The following GPHN variants were observed in gnomAD, a reference collection of about 807,000 sequenced individuals.
The protein encoded by GPHN is gephyrin.
In GPHN, 17 loss-of-function variants were observed where a neutral mutation model predicts 95.5. The ratio of observed to expected loss-of-function variants is 0.18; its 90% CI spans 0.12 to 0.27. The LOEUF (loss-of-function observed/expected upper bound fraction) is 0.27, where lower values mean the gene tolerates loss of function less well. GPHN is among the 10% of genes least tolerant of loss of function. The pLI is 1.00. For synonymous variants in GPHN, 320 were observed against 322.5 expected, an observed-to-expected ratio of 0.99 and a Z score of 0.08; for missense variants, 660 against 978.1, an observed-to-expected ratio of 0.67 and a Z score of 4.34.
the GPHN span, chr14:67,515,444 C>T: frequency 1.7e-5 from 3 of 181,010 alleles, no homozygotes; most frequent in South Asian, 1.3e-4. Context: ...GCGGCACTCA[C>T]CCATAGTACG....
chr14:67,056,336 A>G (rs1314274623), intron 10 of GPHN, among the ~76,000 whole-genome samples: 2 of 152,070 alleles, frequency 1.3e-5, no homozygotes, highest in Non-Finnish European at 2.9e-5. Context: ...AGCTAGACAC[A>G]GAGCACTGAT....
chr14:66,528,789 G>A (rs1420604752), intron 1 of GPHN, among the ~76,000 whole-genome samples: 1 of 152,088 alleles, frequency 6.6e-6, no homozygotes, highest in Non-Finnish European at 1.5e-5. Flanking sequence ...TAGACTATTG[G>A]CCCCCACTGT....
chr14:67,424,790 C>T, the GPHN span, among the ~76,000 whole-genome samples: 1 of 151,960 alleles, frequency 6.6e-6, no homozygotes, highest in South Asian at 2.1e-4. Flanking sequence ...GCCCCCAGAG[C>T]CCCTTCAGAT....
At chr14:67,333,568 A>T in the GPHN span, 1 of 152,680 alleles carries the variant, frequency 6.5e-6, no homozygotes, top group Admixed American at 6.5e-5. Flanking sequence ...AACAAAAAAC[A>T]TTCCATTAGA....
the GPHN span, among the ~76,000 whole-genome samples, chr14:67,695,234 T>A: frequency 1.3e-5 from 2 of 152,156 alleles, no homozygotes; most frequent in Admixed American, 1.3e-4. Flanking sequence ...GTGGAATCGC[T>A]CCTTTGTACC....
the GPHN span, chr14:67,224,890 C>T: frequency 2.1e-5 from 8 of 385,474 alleles, no homozygotes; most frequent in Admixed American, 4.6e-5. Flanking sequence ...AAGGAGGGAG[C>T]CCTCTAAAAG....
the GPHN span, among the ~76,000 whole-genome samples, chr14:67,306,977 CAG>C: frequency 9.9e-5 from 15 of 152,262 alleles, no homozygotes; most frequent in African/African-American, 3.4e-4. Flanking sequence ...GTGTTTAAGA[CAG>C]ATATACAAAA....
chr14:67,585,774 C>A, the GPHN span: 1 of 986,876 alleles, frequency 1.0e-6, no homozygotes, highest in Non-Finnish European at 1.5e-6. Flanking sequence ...CCCACTCCTG[C>A]CCAAGCACCA....
At chr14:67,180,726 A>G (rs1595521147) in intron 22 of GPHN, 78 bp from the exon 23 acceptor site, 1 of 1,412,762 alleles carries the variant, frequency 7.1e-7, no homozygotes. Context: ...GTCTGTTTAC[A>G]TTTTGAAAAG....
chr14:67,575,292 A>G, the GPHN span: 2 of 696,046 alleles, frequency 2.9e-6, no homozygotes, highest in Non-Finnish European at 4.9e-6. Context: ...CATCTCTACC[A>G]TAGGTCAAAT....
At chr14:66,899,802 C>T (rs2065039973) in intron 5 of GPHN, among the ~76,000 whole-genome samples, 1 of 151,800 alleles carries the variant, frequency 6.6e-6, no homozygotes, top group Admixed American at 6.6e-5. Context: ...GATATTCCCT[C>T]CACTTTTACT....
At chr14:66,522,755 A>G (rs2058531204) in intron 1 of GPHN, among the ~76,000 whole-genome samples, 1 of 151,780 alleles carries the variant, frequency 6.6e-6, no homozygotes, top group Non-Finnish European at 1.5e-5. Flanking sequence ...TACCTTTAAA[A>G]TATATAATTT....
chr14:67,623,268 T>C, the GPHN span, among the ~76,000 whole-genome samples: 1 of 152,192 alleles, frequency 6.6e-6, no homozygotes, highest in Non-Finnish European at 1.5e-5. Context: ...GTTGCTCTGT[T>C]CCTAAACAGT....
chr14:67,374,426 G>T, the GPHN span: 2 of 1,277,366 alleles, frequency 1.6e-6, no homozygotes, highest in Middle Eastern at 1.9e-4. Flanking sequence ...TAGTACAGTG[G>T]CATCTGGACA....
At chr14:67,065,824 T>A (rs1213135525) in intron 11 of GPHN, among the ~76,000 whole-genome samples, 1 of 151,080 alleles carries the variant, frequency 6.6e-6, no homozygotes, top group Non-Finnish European at 1.5e-5. Context: ...TTTGAGCCTA[T>A]GTGTGTCTTT....
intron 3 of GPHN, among the ~76,000 whole-genome samples, chr14:66,789,226 C>T (rs1057205906): frequency 5.3e-5 from 8 of 152,164 alleles, no homozygotes; most frequent in East Asian, 1.9e-4. Context: ...TTAAAACAAT[C>T]CTTTAATATT....
At chr14:67,483,577 T>C in the GPHN span, among the ~76,000 whole-genome samples, 1 of 152,094 alleles carries the variant, frequency 6.6e-6, no homozygotes, top group Non-Finnish European at 1.5e-5. Context: ...TCCTAAAGGC[T>C]CCCAGCCTGT....
chr14:67,449,125 C>T, the GPHN span, among the ~76,000 whole-genome samples: 1 of 152,218 alleles, frequency 6.6e-6, no homozygotes, highest in African/African-American at 2.4e-5. Flanking sequence ...GCCAATTCTG[C>T]TCAGACTGCT....
intron 8 of GPHN, 24 bp downstream of exon 8, chr14:66,924,316 A>G (rs966844291): frequency 7.7e-7 from 1 of 1,292,314 alleles, no homozygotes. Flanking sequence ...CTTTTGCATT[A>G]ATGGTTTTCC....
Sources: allele counts gnomAD v4.1 joint callset (sites outside exome capture counted in the v4.1 genomes callset), GRCh38; gene constraint gnomAD v4.1.1; transcripts MANE v1.5; gene names NCBI Gene and HGNC (gene_info 2026-07-23, HGNC 2026-07-21).